The following ARFGEF3 variants were observed in gnomAD, a reference collection of about 807,000 sequenced individuals.
ARFGEF3 encodes brefeldin A-inhibited guanine nucleotide-exchange protein 3.
A neutral mutation model predicts 221.7 loss-of-function variants in ARFGEF3; 96 were observed. That is an observed-to-expected ratio of 0.43 (90% CI 0.37 to 0.51). ARFGEF3 has a LOEUF of 0.51. Ranked by LOEUF, ARFGEF3 falls within the 20% of genes least tolerant of loss-of-function variation. ARFGEF3 has a pLI of 0.00. For synonymous variants in ARFGEF3, 1,145 were observed against 1,126.8 expected (o/e 1.02, Z -0.32); for missense variants, 2,410 against 2,789.9 (o/e 0.86, Z 3.07).
chr6:138,295,111 C>G (rs1779481880), intron 20 of ARFGEF3, among the ~76,000 whole-genome samples: 1 of 152,056 alleles, frequency 6.6e-6, no homozygotes, highest in Non-Finnish European at 1.5e-5. Flanking sequence ...TTGGAGAAAA[C>G]AGTAGACTCT....
rs1780346658 is a variant in ARFGEF3, at chr6:138,337,348, T to A, written c.*862T>A. The A allele has an allele frequency of 6.6e-6, 1 of 152,650 alleles. No homozygotes were observed. The highest frequency in any genetic ancestry group is 2.4e-5 in the African/African-American group (1 of 41,444). The allele number at this position is 152,650 out of a possible 1,614,324, so 9.5% of individuals were successfully genotyped here. ...GGAAAGGAAAGAAGAAAAGGTGCCT[T>A]AGTCCTTTGTTGCACTTCCATTTCC... On this transcript the variant is annotated 3_prime_UTR_variant, in exon 34 of 34. Coordinates refer to ENST00000251691, the MANE Select transcript of ARFGEF3 (RefSeq NM_020340.5).
chr6:138,328,085 G>A lies in ARFGEF3; in HGVS notation c.5066G>A (p.Cys1689Tyr). Reference protein sequence around the residue: ...TPNNFDHAQSCQLIIELPPDE... With the variant: ...TPNNFDHAQSYQLIIELPPDE... ...AACAACTTTGACCACGCTCAGTCCT[G>A]CCAGCTCATTATTGAGCTGCCTCCT... The change falls in exon 32 of 34, where the codon TGC becomes TAC. Residue 1689 changes from cysteine to tyrosine, a missense_variant. Transcript: ENST00000251691. 8 of 1,573,782 alleles carry A rather than the reference G, an allele frequency of 5.1e-6. No individual in the cohort carries two copies. Among genetic ancestry groups the A allele is most frequent in the South Asian group, 1.2e-5 (1 of 85,554 alleles).
At chr6:138,294,209 G>T (rs1345581633) in intron 20 of ARFGEF3, 83 bp downstream of exon 20, 3 of 1,414,190 alleles carry the variant, frequency 2.1e-6, no homozygotes, top group African/African-American at 2.8e-5. Flanking sequence ...CGTGCCTGAA[G>T]ATTTGACTCC....
intron 2 of ARFGEF3, among the ~76,000 whole-genome samples, chr6:138,200,573 G>A (rs1388302643): frequency 1.3e-5 from 2 of 152,164 alleles, no homozygotes; most frequent in African/African-American, 2.4e-5. Flanking sequence ...ATAAAGTGGG[G>A]AAAGGACACC....
chr6:138,291,892 G>A lies in ARFGEF3; in HGVS notation c.3207G>A (p.Gln1069=). The A allele has an allele frequency of 6.7e-7, 1 of 1,496,280 alleles. No individual in the cohort carries two copies. The highest frequency in any genetic ancestry group is 8.9e-7 in the Non-Finnish European group (1 of 1,118,020). The allele number at this position is 1,496,280 out of a possible 1,614,324, so 92.7% of individuals were successfully genotyped here. A position where few individuals can be genotyped will look rare whatever the true frequency, so the allele number is the denominator to read the frequency against. Residue 1069 remains glutamine, a synonymous_variant, in exon 19 of 34, where the codon CAG becomes CAA. Coordinates refer to ENST00000251691, the MANE Select transcript of ARFGEF3 (RefSeq NM_020340.5). This position sits in a 1 kb window ranked among gnomAD's most constrained non-coding sequence, Gnocchi z 4.5. ...CGCCCCCCGAGCACAGCCCGGAGCA[G>A]GGGCGCTCCCTGAGCACGGCCCCTG... The part of the protein sequence containing the change: ...EGSPPEHSPE[Q]GRSLSTAPVV...
intron 8 of ARFGEF3, among the ~76,000 whole-genome samples, chr6:138,247,315 T>TC (rs2114563282): frequency 1.3e-5 from 2 of 152,324 alleles, no homozygotes; most frequent in African/African-American, 4.8e-5. Flanking sequence ...ACCCCATCTG[T>TC]AAGGCCCCTA....
chr6:138,233,440 A>G (rs968963927), intron 5 of ARFGEF3, among the ~76,000 whole-genome samples: 7 of 152,104 alleles, frequency 4.6e-5, no homozygotes, highest in African/African-American at 1.7e-4. Context: ...GCAGTGGCAC[A>G]ATCTCAGCTC....
intron 12 of ARFGEF3, among the ~76,000 whole-genome samples, chr6:138,267,907 T>C (rs550090170): frequency 5.3e-5 from 8 of 152,374 alleles, no homozygotes; most frequent in African/African-American, 1.7e-4. Context: ...TCATTTTTAT[T>C]GACTGTAATT....
Position 138,209,966 on chromosome 6 carries a change from G to C in ARFGEF3, c.276G>C (p.Gln92His), listed in dbSNP as rs1205926202. ...TGGAAACAGATTCTGATGAGAAGCA[G>C]CTGCTCAATCAGATACTGAATGCCG... ...VSMETDSDEK[Q>H]LLNQILNAVK... Residue 92 changes from glutamine (Q) to histidine (H), a missense_variant, in exon 4 of 34, where the codon CAG (glutamine) becomes CAC (histidine). Physicochemically the swap from Gln to His is conservative, Grantham distance 24 (BLOSUM62 0). Around this residue, in one of 5 missense-constraint regions of ARFGEF3, gnomAD observed 570 missense variants for 586.9 expected, o/e 0.97. Transcript: ENST00000251691. 6.2e-7 allele frequency: 1 copy of C among 1,613,810 alleles called. No individual in the cohort carries two copies. The highest frequency in any genetic ancestry group is 8.5e-7 in the Non-Finnish European group (1 of 1,179,730).
In ARFGEF3 at chr6:138,334,835, A is replaced by G. The variant is rs377137729; in HGVS notation, c.5989A>G (p.Lys1997Glu). 1.9e-6 allele frequency: 3 copies of G among 1,599,866 alleles called. No homozygotes were observed. The highest frequency in any genetic ancestry group is 2.6e-6 in the Non-Finnish European group (3 of 1,173,616). Reference protein sequence around the residue: ...LLPPSPKVEKKDPSRKKEWWE... With the variant: ...LLPPSPKVEKEDPSRKKEWWE... ...GCCCCCCAGCCCCAAAGTGGAGAAG[A>G]AGGATCCCAGCCGGAAGAAGGAGTG... The change falls in exon 33 of 34, where the codon AAG becomes GAG. Residue 1997 changes from lysine (K) to glutamate (E), a missense_variant. Coordinates refer to ENST00000251691, the MANE Select transcript of ARFGEF3 (RefSeq NM_020340.5). The surrounding 1 kb of genome is among the most constrained non-coding windows in gnomAD (Gnocchi z 5.1).
intron 14 of ARFGEF3, among the ~76,000 whole-genome samples, chr6:138,285,124 C>T (rs149789393): frequency 2.0e-5 from 3 of 152,218 alleles, no homozygotes; most frequent in African/African-American, 4.8e-5. Flanking sequence ...TTAGCTGTTT[C>T]GATGATCAAG....
chr6:138,189,129 A>G (rs1028373914), intron 2 of ARFGEF3, among the ~76,000 whole-genome samples: 1 of 152,238 alleles, frequency 6.6e-6, no homozygotes, highest in Admixed American at 6.5e-5. Flanking sequence ...AGCTTTTAGC[A>G]GAGGACAGGA....
intron 22 of ARFGEF3, among the ~76,000 whole-genome samples, chr6:138,306,381 A>G (rs1338343112): frequency 6.6e-6 from 1 of 152,156 alleles, no homozygotes; most frequent in Non-Finnish European, 1.5e-5. Flanking sequence ...AAAATAGCAA[A>G]TCTCCCCAAA....
chr6:138,198,660 G>A (rs1232063498), intron 2 of ARFGEF3, among the ~76,000 whole-genome samples: 1 of 151,854 alleles, frequency 6.6e-6, no homozygotes, highest in Non-Finnish European at 1.5e-5. Context: ...GGTGCTGGCT[G>A]TGGCTTGAAC....
At chr6:138,188,521 C>G (rs1209001814) in intron 2 of ARFGEF3, among the ~76,000 whole-genome samples, 1 of 152,178 alleles carries the variant, frequency 6.6e-6, no homozygotes, top group Non-Finnish European at 1.5e-5. Flanking sequence ...GCACATGTCT[C>G]GTTTGGAAAG....
At chr6:138,300,964 C>T (rs187329930) in intron 22 of ARFGEF3, among the ~76,000 whole-genome samples, 2 of 152,232 alleles carry the variant, frequency 1.3e-5, no homozygotes, top group East Asian at 1.9e-4. Flanking sequence ...GCAGGTGCAA[C>T]GTTTGCATTC....
At chr6:138,272,421 T>G (rs1409306512) in intron 12 of ARFGEF3, among the ~76,000 whole-genome samples, 2 of 152,316 alleles carry the variant, frequency 1.3e-5, no homozygotes, top group South Asian at 4.1e-4. Flanking sequence ...CCTCCCAAAG[T>G]GCTGGGATTA....
rs781523472 is a variant in ARFGEF3, at chr6:138,319,755, C to T, written c.4527C>T (p.Ser1509=). 23 of 1,613,154 alleles carry T rather than the reference C, an allele frequency of 1.4e-5. No individual in the cohort carries two copies. Among genetic ancestry groups the T allele is most frequent in the South Asian group, 8.8e-5 (8 of 90,940 alleles). The change falls in exon 28 of 34, where the codon TCC becomes TCT. Residue 1509 remains serine, a synonymous_variant. Coordinates refer to ENST00000251691, the MANE Select transcript of ARFGEF3 (RefSeq NM_020340.5). ...TTCACCTCCTCCTTCCTGTGATGTC[C>T]GTTTGGCTCCGCCGGAGCCATAAAG... The part of the protein sequence containing the change: ...AVVHLLLPVM[S]VWLRRSHKDH...
chr6:138,236,862 G>A (rs906096886), intron 5 of ARFGEF3, among the ~76,000 whole-genome samples: 14 of 152,246 alleles, frequency 9.2e-5, no homozygotes, highest in African/African-American at 1.9e-4. Flanking sequence ...TAAAAGTCAC[G>A]TGCCCTAAAT....
Sources: allele counts gnomAD v4.1 joint callset (sites outside exome capture counted in the v4.1 genomes callset), GRCh38; gene constraint gnomAD v4.1.1; regional missense constraint gnomAD v4.1.1; non-coding constraint Gnocchi (gnomAD v3.1); transcripts MANE v1.5; gene names NCBI Gene and HGNC (gene_info 2026-07-23, HGNC 2026-07-21).